Variants in TBC1D2 observed in about 807,000 individuals in gnomAD.
The protein encoded by TBC1D2 is TBC1 domain family member 2.
A neutral mutation model predicts 91.1 loss-of-function variants in TBC1D2; 58 were observed. The ratio of observed to expected loss-of-function variants is 0.64; its 90% confidence interval spans 0.52 to 0.79. TBC1D2 has a LOEUF of 0.79. Among genes scored for constraint, TBC1D2 ranks in the 30% least tolerant of loss-of-function variants. TBC1D2 has a pLI of 0.00. For synonymous variants in TBC1D2, 482 were observed against 511.5 expected, an observed-to-expected ratio of 0.94 and a Z score of 0.78; for missense variants, 1,080 against 1,208.3, an observed-to-expected ratio of 0.89 and a Z score of 1.57.
At chr9:98,236,818 T>C (rs1829516255) in intron 3 of TBC1D2, among the ~76,000 whole-genome samples, 1 of 152,240 alleles carries the variant, frequency 6.6e-6, no homozygotes, top group Admixed American at 6.5e-5. Context: ...GAGATTCTAC[T>C]TGATGAGTAT....
At chr9:98,211,330 G>A (rs1339736645) in intron 7 of TBC1D2, among the ~76,000 whole-genome samples, 4 of 152,078 alleles carry the variant, frequency 2.6e-5, no homozygotes, top group Non-Finnish European at 2.9e-5. Context: ...CAGCGCCCAG[G>A]GGATGGACAC....
chr9:98,201,932 C>T lies in TBC1D2; in HGVS notation c.2272-268G>A, dbSNP rs117457415. Among the ~76,000 whole-genome samples the T allele has an allele frequency of 9.6e-3, 1,468 of 152,310 alleles. 59 individuals carry two copies. The highest frequency in any genetic ancestry group is 0.066 in the Admixed American group (1,010 of 15,302). ...TGCAGTGGAGCCATGTGGGCTGGCACGTTCTCCGCCCGCTCACCCATCTGA... is the reference window on the plus strand; with the variant it reads ...TGCAGTGGAGCCATGTGGGCTGGCATGTTCTCCGCCCGCTCACCCATCTGA... On this transcript the variant is annotated intron_variant, in intron 10 of 12. Coordinates refer to ENST00000465784, the MANE Select transcript of TBC1D2 (RefSeq NM_001267571.2).
Position 98,228,947 on chromosome 9 carries a change from C to T in TBC1D2, c.978+5G>A. The T allele has an allele frequency of 6.2e-7, 1 of 1,613,150 alleles. No individual in the cohort carries two copies. On this transcript the variant is annotated splice_donor_5th_base_variant and intron_variant, in intron 5 of 12. Transcript: ENST00000465784. The surrounding 1 kb of genome is among the most constrained non-coding windows in gnomAD (Gnocchi z 4.0). ...ACCTGGGGCCTCCCTGGGACCAGAC[C>T]TCACCTTCTGAGACTTTAACTCCTT...
At position 98,233,450 on chromosome 9, in the gene TBC1D2, C is replaced by T. The variant is rs1246917005; in HGVS notation, c.747G>A (p.Glu249=). The T allele has an allele frequency of 6.2e-7, 1 of 1,614,140 alleles. No homozygotes were observed. The highest frequency in any genetic ancestry group is 1.3e-5 in the African/African-American group (1 of 75,038). ...DSPQSGEPQR[E]EQPLASDAST... Reference sequence around the variant, plus strand: ...TGGCGTCAGAGGCCAAGGGCTGCTCCTCCCTCTGAGGCTCCCCACTCTGTG... The same window carrying T: ...TGGCGTCAGAGGCCAAGGGCTGCTCTTCCCTCTGAGGCTCCCCACTCTGTG... The change falls in exon 4 of 13, where the codon GAG becomes GAA. Residue 249 remains glutamate (E), a synonymous_variant. Coordinates refer to ENST00000465784, the MANE Select transcript of TBC1D2 (RefSeq NM_001267571.2).
At chr9:98,232,284 T>C (rs1186009221) in intron 4 of TBC1D2, among the ~76,000 whole-genome samples, 2 of 151,644 alleles carry the variant, frequency 1.3e-5, no homozygotes, top group African/African-American at 4.8e-5. Flanking sequence ...TCTCTAGGGC[T>C]CTGCCAGGCA....
At chr9:98,224,284 T>C (rs938010708) in intron 5 of TBC1D2, among the ~76,000 whole-genome samples, 20 of 142,632 alleles carry the variant, frequency 1.4e-4, no homozygotes, top group South Asian at 1.2e-3. Flanking sequence ...TCTTTTCTTT[T>C]TTTTTTTTTT....
intron 2 of TBC1D2, among the ~76,000 whole-genome samples, chr9:98,250,600 G>A (rs1454772036): frequency 6.6e-6 from 1 of 152,186 alleles, no homozygotes; most frequent in African/African-American, 2.4e-5. Context: ...AATCTACTGA[G>A]AGGAGGGAAG....
intron 1 of TBC1D2, among the ~76,000 whole-genome samples, chr9:98,253,609 GT>G (rs1484357441): frequency 1.3e-5 from 2 of 152,144 alleles, no homozygotes; most frequent in Non-Finnish European, 2.9e-5. Context: ...CTGTATCATG[GT>G]TTCCTAATTT....
At chr9:98,235,283 G>A (rs542840662) in intron 3 of TBC1D2, 17 of 372,720 alleles carry the variant, frequency 4.6e-5, no homozygotes, top group East Asian at 3.3e-4. Context: ...AGGAGTCAAC[G>A]CTATTGTTTA....
At position 98,244,006 on chromosome 9, in the gene TBC1D2, C is replaced by T. The variant is rs1463593432; in HGVS notation, c.635G>A (p.Gly212Glu). 3.7e-6 allele frequency: 6 copies of T among 1,606,662 alleles called. No individual in the cohort carries two copies. The East Asian group carries it at 1.1e-4, about 30-fold the overall frequency. ...CACTGGCACTTACTGTATTTCAGTCCCCAGGTGCTTGAGGGAAATATTCTG... is the reference window on the plus strand; with the variant it reads ...CACTGGCACTTACTGTATTTCAGTCTCCAGGTGCTTGAGGGAAATATTCTG... ...ALQNISLKHL[G>E]TEIQNTMHNI... Residue 212 changes from glycine to glutamate, a missense_variant, in exon 3 of 13, where the codon GGG becomes GAG. Coordinates refer to ENST00000465784, the MANE Select transcript of TBC1D2 (RefSeq NM_001267571.2).
At chr9:98,210,069 G>A (rs1239719101) in intron 8 of TBC1D2, among the ~76,000 whole-genome samples, 4 of 149,742 alleles carry the variant, frequency 2.7e-5, no homozygotes, top group Non-Finnish European at 5.9e-5. Flanking sequence ...CAAGCAATCT[G>A]CCCATCTCAG....
chr9:98,251,997 A>C, intron 1 of TBC1D2, 71 bp from the exon 2 acceptor site: 1 of 1,525,218 alleles, frequency 6.6e-7, no homozygotes, highest in Non-Finnish European at 8.7e-7. Flanking sequence ...GAAGAGGGGA[A>C]GGTTGTGGGA....
chr9:98,209,893 A>G (rs1828783480), intron 8 of TBC1D2, among the ~76,000 whole-genome samples: 1 of 149,982 alleles, frequency 6.7e-6, no homozygotes, highest in South Asian at 2.1e-4. Context: ...CAGTGCTGCA[A>G]TCTCAGCTCA....
chr9:98,219,746 C>T (rs1829050454), intron 6 of TBC1D2, among the ~76,000 whole-genome samples: 1 of 152,238 alleles, frequency 6.6e-6, no homozygotes, highest in African/African-American at 2.4e-5. Context: ...TATGATGTCA[C>T]TATGTGACAG....
intron 6 of TBC1D2, among the ~76,000 whole-genome samples, chr9:98,217,435 T>C (rs1488853370): frequency 6.6e-6 from 1 of 152,142 alleles, no homozygotes; most frequent in Non-Finnish European, 1.5e-5. Flanking sequence ...GGCCAGTCCT[T>C]CTCCCTTGCC....
At chr9:98,217,678 T>A (rs1215682954) in intron 6 of TBC1D2, among the ~76,000 whole-genome samples, 1 of 152,200 alleles carries the variant, frequency 6.6e-6, no homozygotes, top group African/African-American at 2.4e-5. Context: ...AGCTAAAAAC[T>A]AAGGAACACC....
intron 10 of TBC1D2, 85 bp from the exon 11 acceptor site, chr9:98,201,749 C>A: frequency 7.3e-7 from 1 of 1,379,234 alleles, no homozygotes; most frequent in Non-Finnish European, 9.8e-7. Context: ...CCCAGTCAGT[C>A]CACACACAAT....
At chr9:98,205,906 G>C (rs959961094) in intron 9 of TBC1D2, among the ~76,000 whole-genome samples, 1 of 151,306 alleles carries the variant, frequency 6.6e-6, no homozygotes, top group Non-Finnish European at 1.5e-5. Flanking sequence ...CAAAGAAGAC[G>C]TATCAGGGAC....
chr9:98,209,221 C>T (rs1828748219), intron 8 of TBC1D2, 77 bp from the exon 9 acceptor site: 3 of 1,446,432 alleles, frequency 2.1e-6, no homozygotes, highest in African/African-American at 1.4e-5. Flanking sequence ...CAGGGAGGAC[C>T]CCAGGCCAGG....
Sources: gnomAD v4.1 joint callset for allele counts (sites outside exome capture counted in the v4.1 genomes callset) on GRCh38, gnomAD v4.1.1 for gene constraint, Gnocchi (gnomAD v3.1) non-coding constraint, MANE v1.5 for transcripts, NCBI Gene and HGNC (gene_info 2026-07-23, HGNC 2026-07-21) for gene names.